SEMA6D: variants seen among roughly 807,000 people sequenced by gnomAD.
The protein encoded by SEMA6D is semaphorin 6D, also known as semaphorin-6D.
SEMA6D carries 35 observed loss-of-function variants against 106.6 expected under a neutral mutation model. That is an observed-to-expected ratio of 0.33 (90% CI 0.25 to 0.44). SEMA6D has a LOEUF of 0.44. SEMA6D is among the 20% of genes least tolerant of loss of function. The pLI, the probability that SEMA6D is intolerant of heterozygous loss-of-function variation, is 1.00. For synonymous variants in SEMA6D, 499 were observed against 487.7 expected (o/e 1.02, Z -0.31); for missense variants, 1,185 against 1,345.9 (o/e 0.88, Z 1.87).
chr15:47,228,056 T>A (rs28404299), intron 1 of SEMA6D, among the ~76,000 whole-genome samples: 3 of 143,610 alleles, frequency 2.1e-5, no homozygotes, highest in Admixed American at 7.1e-5. Flanking sequence ...ATATATATAT[T>A]TTTATATATA....
intron 1 of SEMA6D, among the ~76,000 whole-genome samples, chr15:47,734,598 C>G (rs1453730724): frequency 6.6e-6 from 1 of 152,096 alleles, no homozygotes; most frequent in Admixed American, 6.5e-5. Context: ...CTTGAGTTTC[C>G]ACTGTGTCAC....
intron 1 of SEMA6D, among the ~76,000 whole-genome samples, chr15:47,380,041 C>T (rs888513948): frequency 6.6e-6 from 1 of 152,180 alleles, no homozygotes; most frequent in African/African-American, 2.4e-5. Context: ...CAGGCGTGAG[C>T]CACCATGCCC....
At chr15:47,618,434 C>A (rs1011659547) in intron 4 of SEMA6D, among the ~76,000 whole-genome samples, 1 of 152,232 alleles carries the variant, frequency 6.6e-6, no homozygotes, top group African/African-American at 2.4e-5. Context: ...AAGAGACTTG[C>A]CTGTGGCTCT....
At chr15:47,560,246 C>A (rs1193272888) in intron 3 of SEMA6D, among the ~76,000 whole-genome samples, 1 of 151,784 alleles carries the variant, frequency 6.6e-6, no homozygotes, top group East Asian at 1.9e-4. Flanking sequence ...CTGGATTTGG[C>A]AGAAAAGACT....
intron 4 of SEMA6D, among the ~76,000 whole-genome samples, chr15:47,631,658 G>A (rs1408157552): frequency 6.6e-6 from 1 of 151,870 alleles, no homozygotes; most frequent in Non-Finnish European, 1.5e-5. Context: ...CTAAACTGCT[G>A]ATGTTCTAGA....
At chr15:47,234,157 G>C (rs920456264) in intron 1 of SEMA6D, among the ~76,000 whole-genome samples, 1 of 151,902 alleles carries the variant, frequency 6.6e-6, no homozygotes, top group Non-Finnish European at 1.5e-5. Context: ...ATATTTCTGG[G>C]ATCTCAGCAG....
intron 2 of SEMA6D, among the ~76,000 whole-genome samples, chr15:47,415,363 C>A (rs1397316040): frequency 6.6e-6 from 1 of 152,102 alleles, no homozygotes; most frequent in Non-Finnish European, 1.5e-5. Flanking sequence ...ACAATACAAT[C>A]CCTGTCAGTA....
chr15:47,763,904 C>A lies in SEMA6D; in HGVS notation c.802C>A (p.Arg268=), dbSNP rs757058437. Residue 268 remains arginine (R), a synonymous_variant, in exon 10 of 19, where the codon CGG becomes AGG. Coordinates refer to ENST00000536845, the MANE Select transcript of SEMA6D (RefSeq NM_001358351.3). ...TAAAAACGACATGGGTGGTTCCCAG[C>A]GGGTCCTGGAGAAACACTGGACTTC... ...ICKNDMGGSQ[R]VLEKHWTSFL... The A allele has an allele frequency of 1.5e-5, 24 of 1,613,892 alleles. No individual in the cohort carries two copies. The highest frequency in any genetic ancestry group is 2.2e-5 in the East Asian group (1 of 44,876).
intron 3 of SEMA6D, among the ~76,000 whole-genome samples, chr15:47,587,148 C>A (rs537032658): frequency 6.6e-6 from 1 of 152,176 alleles, no homozygotes; most frequent in Admixed American, 6.5e-5. Context: ...GCTTTCCCAG[C>A]ACATGGGAGG....
At chr15:47,631,830 C>T (rs555785494) in intron 4 of SEMA6D, among the ~76,000 whole-genome samples, 2 of 151,956 alleles carry the variant, frequency 1.3e-5, no homozygotes, top group East Asian at 1.9e-4. Flanking sequence ...TTACAGCACC[C>T]GTGGGAAACC....
At chr15:47,625,051 A>G (rs922094214) in intron 4 of SEMA6D, among the ~76,000 whole-genome samples, 1 of 152,116 alleles carries the variant, frequency 6.6e-6, no homozygotes. Flanking sequence ...CAGGTTAACC[A>G]TGATTATCAC....
intron 4 of SEMA6D, chr15:47,606,291 T>C (rs2666552): frequency 0.32 from 49,260 of 151,850 alleles, 11,070 homozygotes; most frequent in African/African-American, 0.64. Context: ...GTAAAGAGGA[T>C]AGTCCATTTT....
intron 2 of SEMA6D, among the ~76,000 whole-genome samples, chr15:47,423,130 A>G (rs1160590479): frequency 6.6e-6 from 1 of 152,090 alleles, no homozygotes; most frequent in Non-Finnish European, 1.5e-5. Flanking sequence ...GCTGTAATGC[A>G]TATATTATAA....
At chr15:47,277,761 C>G (rs867779081) in intron 1 of SEMA6D, among the ~76,000 whole-genome samples, 8 of 151,912 alleles carry the variant, frequency 5.3e-5, no homozygotes, top group African/African-American at 9.7e-5. Context: ...ATTCCTCCCC[C>G]CTCCCCACAC....
intron 9 of SEMA6D, among the ~76,000 whole-genome samples, 195 bp from the exon 10 acceptor site, chr15:47,763,655 A>G (rs2082180723): frequency 6.6e-6 from 1 of 152,160 alleles, no homozygotes; most frequent in African/African-American, 2.4e-5. Flanking sequence ...GCAAAATAGG[A>G]AAGTGGCTCT....
At chr15:47,207,344 C>T (rs933036316) in intron 1 of SEMA6D, among the ~76,000 whole-genome samples, 2 of 152,144 alleles carry the variant, frequency 1.3e-5, no homozygotes, top group Non-Finnish European at 2.9e-5. Flanking sequence ...CCTGCTATAT[C>T]TCCCATTTAC....
At chr15:47,393,481 A>G (rs954129486) in intron 1 of SEMA6D, 4 of 152,230 alleles carry the variant, frequency 2.6e-5, no homozygotes, top group Non-Finnish European at 5.9e-5. Flanking sequence ...TACAAGAGCC[A>G]TTATCTGTTG....
At chr15:47,426,503 C>T (rs980964) in intron 2 of SEMA6D, among the ~76,000 whole-genome samples, 6,707 of 151,992 alleles carry the variant, frequency 0.044, 528 homozygotes, top group African/African-American at 0.15. Context: ...CGTGAGGATG[C>T]GGTCTTTATA....
intron 1 of SEMA6D, among the ~76,000 whole-genome samples, chr15:47,293,859 T>G (rs2035692205): frequency 6.6e-6 from 1 of 152,240 alleles, no homozygotes; most frequent in South Asian, 2.1e-4. Context: ...CTGTGACCAC[T>G]GTGCTGTTTC....
Sources: gnomAD v4.1 joint callset for allele counts (sites outside exome capture counted in the v4.1 genomes callset) on GRCh38, gnomAD v4.1.1 for gene constraint, MANE v1.5 for transcripts, NCBI Gene and HGNC (gene_info 2026-07-23, HGNC 2026-07-21) for gene names.